Variants in LRP1B observed in about 807,000 individuals in gnomAD.
LRP1B encodes low-density lipoprotein receptor-related protein 1B.
LRP1B carries 217 observed loss-of-function variants against 556.6 expected under a neutral mutation model. The observed-to-expected ratio is 0.39, with a 90% CI of 0.35 to 0.44. LRP1B has a LOEUF of 0.44. Among genes scored for constraint, LRP1B ranks in the 20% least tolerant of loss-of-function variants. The pLI, the probability that LRP1B is intolerant of heterozygous loss-of-function variation, is 1.00. For synonymous variants in LRP1B, 2,047 were observed against 1,865.8 expected (o/e 1.10, Z -2.50); for missense variants, 5,053 against 5,620.8 (o/e 0.90, Z 3.23).
At chr2:140,598,068 TCAGGCCCTAAATACCTGCTGTAAGTG>T (rs1383460271) in intron 43 of LRP1B, among the ~76,000 whole-genome samples, 2 of 152,134 alleles carry the variant, frequency 1.3e-5, no homozygotes, top group Non-Finnish European at 2.9e-5. Context: ...TCACCATTCT[TCAGGCCCTAAATACCTGCTGTAAGTG>T]CTCTCAAGGG....
chr2:141,928,986 C>T (rs948743097), intron 1 of LRP1B, among the ~76,000 whole-genome samples: 2 of 152,010 alleles, frequency 1.3e-5, no homozygotes, highest in African/African-American at 4.8e-5. Flanking sequence ...GAGCATATTC[C>T]TGTTGAGAAA....
chr2:140,527,300 T>G (rs1014920224), intron 47 of LRP1B, among the ~76,000 whole-genome samples: 5 of 151,940 alleles, frequency 3.3e-5, no homozygotes, highest in Non-Finnish European at 1.5e-5. Flanking sequence ...AATTCAAATT[T>G]CTACAAGTTG....
chr2:141,839,246 GT>G, intron 1 of LRP1B, among the ~76,000 whole-genome samples: 1 of 152,260 alleles, frequency 6.6e-6, no homozygotes, highest in East Asian at 1.9e-4. Context: ...ATGGTGAGGT[GT>G]TACTGCTACA....
chr2:141,062,247 T>A lies in LRP1B; in HGVS notation c.1040A>T (p.Asn347Ile), dbSNP rs2105468860. ...GTCACATCTCTCCACTTTGGCGACATTCCCGTAGTCAGTAAAGAAAAGTTT... is the reference window on the plus strand; with the variant it reads ...GTCACATCTCTCCACTTTGGCGACAATCCCGTAGTCAGTAAAGAAAAGTTT... ...AGKLFFTDYG[N>I]VAKVERCDMD... Residue 347 changes from asparagine to isoleucine, a missense_variant, in exon 8 of 91, where the codon AAT becomes ATT. Physicochemically the swap from Asn to Ile is moderately radical, Grantham distance 149. This residue lies in a region of LRP1B where 3,619 missense variants were observed against 3,931.9 expected (regional missense o/e 0.92). Transcript: ENST00000389484. 6.2e-7 allele frequency: 1 copy of A among 1,610,598 alleles called. No individual in the cohort carries two copies. Among genetic ancestry groups the A allele is most frequent in the Non-Finnish European group, 8.5e-7 (1 of 1,178,064 alleles).
At chr2:140,555,218 G>T (rs1265586711) in intron 43 of LRP1B, among the ~76,000 whole-genome samples, 6 of 113,134 alleles carry the variant, frequency 5.3e-5, no homozygotes, top group African/African-American at 1.2e-4. Context: ...ATTCACAGAC[G>T]CTCAGGAAAA....
In LRP1B at chr2:141,463,127, T is replaced by G. The variant is rs72989021; in HGVS notation, c.343+17269A>C. On this transcript the variant is annotated intron_variant, in intron 3 of 90. Coordinates refer to ENST00000389484, the MANE Select transcript of LRP1B (RefSeq NM_018557.3). ...CTGAGAATCCTGAGGCAGTTCTTGT[T>G]TAGATTAGTATTGGTCCATTGTGGA... 5.5e-3 allele frequency among the ~76,000 whole-genome samples: 842 copies of G among 152,264 alleles called. 11 individuals are homozygous for G. The highest frequency in any genetic ancestry group is 0.019 in the African/African-American group (789 of 41,554).
chr2:141,097,399 C>T lies in LRP1B; in HGVS notation c.1014-35126G>A, dbSNP rs2104929349. Among the ~76,000 whole-genome samples, 3 of 152,098 alleles carry T rather than the reference C, an allele frequency of 2.0e-5. No individual in the cohort carries two copies. In the South Asian group the frequency reaches 6.2e-4, roughly 32 times the overall value. On this transcript the variant is annotated intron_variant, in intron 7 of 90. Transcript: ENST00000389484. ...CCAAAAGCTTCTATTAAGCAAGTAT[C>T]TGTGAACGGATGCCACTTCAAAGAG...
Position 141,612,464 on chromosome 2 carries a change from C to T in LRP1B, c.206-131931G>A, listed in dbSNP as rs1158136673. 2.6e-5 allele frequency among the ~76,000 whole-genome samples: 4 copies of T among 152,162 alleles called. No homozygotes were observed. The East Asian group carries it at 7.7e-4, about 29-fold the overall frequency. ...ATAGGGTAGAGTTGTGGGCACAAGA[C>T]AAGCTGAAGGCAGAGAGCTGTGCAG... On this transcript the variant is annotated intron_variant, in intron 2 of 90. Transcript: ENST00000389484.
intron 2 of LRP1B, among the ~76,000 whole-genome samples, chr2:141,525,359 C>G (rs961337177): frequency 2.0e-5 from 3 of 151,854 alleles, no homozygotes; most frequent in African/African-American, 7.3e-5. Flanking sequence ...AGGAATTATA[C>G]CTGGGTAGAC....
At chr2:141,723,432 T>C (rs1221194110) in intron 2 of LRP1B, among the ~76,000 whole-genome samples, 1 of 151,366 alleles carries the variant, frequency 6.6e-6, no homozygotes, top group African/African-American at 2.4e-5. Context: ...CAGATGCAAA[T>C]TTACTTAATT....
At chr2:140,867,311 T>C (rs1216528949) in intron 27 of LRP1B, among the ~76,000 whole-genome samples, 1 of 151,956 alleles carries the variant, frequency 6.6e-6, no homozygotes, top group Non-Finnish European at 1.5e-5. Context: ...TGCTACATGG[T>C]AATAATCTAA....
rs143866257 is a variant in LRP1B, at chr2:141,724,384, C to T, written c.205+85895G>A. 9.2e-5 allele frequency among the ~76,000 whole-genome samples: 14 copies of T among 151,876 alleles called. 1 individual carries two copies. The East Asian group carries it at 2.5e-3, about 27-fold the overall frequency. ...TGGTAAAAGAGGGCAAACAAAAATT[C>T]ATGAATTGAATTTTTAAGTATGAAA... On this transcript the variant is annotated intron_variant, in intron 2 of 90. Coordinates refer to ENST00000389484, the MANE Select transcript of LRP1B (RefSeq NM_018557.3).
chr2:140,601,085 CA>C (rs5834760), intron 42 of LRP1B, among the ~76,000 whole-genome samples: 49,234 of 135,354 alleles, frequency 0.36, 8,808 homozygotes, highest in Admixed American at 0.48. Flanking sequence ...GATTAAAATG[CA>C]AAAAAAAAAA....
intron 2 of LRP1B, among the ~76,000 whole-genome samples, chr2:141,762,911 G>A (rs1035845139): frequency 6.6e-6 from 1 of 152,216 alleles, no homozygotes; most frequent in Non-Finnish European, 1.5e-5. Context: ...TATGAGGTTT[G>A]AAAATGTGAA....
intron 2 of LRP1B, among the ~76,000 whole-genome samples, chr2:141,570,950 G>A (rs897131538): frequency 2.0e-5 from 3 of 151,308 alleles, no homozygotes; most frequent in Non-Finnish European, 4.4e-5. Context: ...CAGTCTCTGT[G>A]GACCAGCTGA....
chr2:140,444,790 C>T (rs1184023703), intron 63 of LRP1B, 111 bp from the exon 64 acceptor site: 2 of 691,686 alleles, frequency 2.9e-6, no homozygotes, highest in African/African-American at 3.6e-5. Context: ...TCCTGGAATA[C>T]AATGTGAATG....
chr2:141,828,846 T>C (rs563452387), intron 1 of LRP1B, among the ~76,000 whole-genome samples: 15 of 151,942 alleles, frequency 9.9e-5, no homozygotes, highest in African/African-American at 3.6e-4. Context: ...AATCAATAAC[T>C]GGGATAAAAG....
intron 2 of LRP1B, among the ~76,000 whole-genome samples, chr2:141,720,358 G>A (rs968824782): frequency 6.6e-6 from 1 of 152,096 alleles, no homozygotes; most frequent in Admixed American, 6.6e-5. Context: ...TCACTGAGTA[G>A]AGATGACCTG....
chr2:141,879,618 C>T (rs538063756), intron 1 of LRP1B, among the ~76,000 whole-genome samples: 17 of 151,222 alleles, frequency 1.1e-4, no homozygotes, highest in African/African-American at 3.4e-4. Context: ...AATGTAGAAT[C>T]ATCACTGTCT....
Sources: gnomAD v4.1 joint callset for allele counts (sites outside exome capture counted in the v4.1 genomes callset) on GRCh38, gnomAD v4.1.1 for gene constraint, gnomAD v4.1.1 regional missense constraint, MANE v1.5 for transcripts, NCBI Gene and HGNC (gene_info 2026-07-23, HGNC 2026-07-21) for gene names.